Variants in ARHGEF10 observed in about 807,000 individuals in gnomAD.
The protein encoded by ARHGEF10 is Rho guanine nucleotide exchange factor 10, also known as Rho guanine nucleotide exchange factor (GEF) 10.
A neutral mutation model predicts 147.4 loss-of-function variants in ARHGEF10; 140 were observed. The observed-to-expected ratio is 0.95, with a 90% CI of 0.83 to 1.09. The LOEUF (loss-of-function observed/expected upper bound fraction) is 1.09, where lower values mean the gene tolerates loss of function less well. Among genes scored for constraint, ARHGEF10 ranks in the 50% least tolerant of loss-of-function variants. The pLI, the probability that ARHGEF10 is intolerant of heterozygous loss-of-function variation, is 0.00. For missense variants in ARHGEF10, 2,222 were observed against 1,752.7 expected (o/e 1.27, Z -4.78); for synonymous variants, 902 against 695.8 (o/e 1.30, Z -4.67).
chr8:1,845,006 G>A (rs1412094982), intron 2 of ARHGEF10, among the ~76,000 whole-genome samples: 2 of 152,178 alleles, frequency 1.3e-5, no homozygotes, highest in Non-Finnish European at 2.9e-5. Flanking sequence ...ATGCATGATG[G>A]TGCATGCCTG....
At chr8:1,888,116 T>TAGTGGGGCGAGGGTTGCGAGGAGACAGTG (rs1563233346) in intron 11 of ARHGEF10, among the ~76,000 whole-genome samples, 8 of 81,870 alleles carry the variant, frequency 9.8e-5, no homozygotes, top group African/African-American at 1.1e-4. Context: ...AGGAGACACT[T>TAGTGGGGCGAGGGTTGCGAGGAGACAGTG]AGTGGGGTGA....
chr8:1,841,606 C>CAGGGCGT (rs1308658850), intron 1 of ARHGEF10, among the ~76,000 whole-genome samples: 1 of 151,914 alleles, frequency 6.6e-6, no homozygotes, highest in African/African-American at 2.4e-5. Flanking sequence ...GAGTAGGGAG[C>CAGGGCGT]AGGGCGTGGT....
At chr8:1,942,568 C>T (rs1368475475) in intron 26 of ARHGEF10, among the ~76,000 whole-genome samples, 1 of 152,140 alleles carries the variant, frequency 6.6e-6, no homozygotes, top group African/African-American at 2.4e-5. Flanking sequence ...TAACTCGTGG[C>T]ATGACCAGGT....
chr8:1,823,765 A>T (rs1264188910), upstream of ARHGEF10, among the ~76,000 whole-genome samples: 1 of 150,562 alleles, frequency 6.6e-6, no homozygotes, highest in Non-Finnish European at 1.5e-5. Flanking sequence ...GGCGTTGGGC[A>T]GCGGGAGGGG....
intron 16 of ARHGEF10, among the ~76,000 whole-genome samples, chr8:1,905,269 A>AT: frequency 6.6e-6 from 1 of 152,290 alleles, no homozygotes; most frequent in East Asian, 1.9e-4. Context: ...AGAAGTTAAG[A>AT]TAGTCATTTA....
At position 1,875,314 on chromosome 8, in the gene ARHGEF10, C is replaced by T. The variant is rs1437208522; in HGVS notation, c.680-1257C>T. Reference sequence around the variant, plus strand: ...AACAGTGGAGACACACACTGGGGAGCGTAGGGGTGCTTTTCTCTGAGTCCC... The same window carrying T: ...AACAGTGGAGACACACACTGGGGAGTGTAGGGGTGCTTTTCTCTGAGTCCC... On this transcript the variant is annotated intron_variant, in intron 7 of 28. Coordinates refer to ENST00000349830, the MANE Select transcript of ARHGEF10 (RefSeq NM_014629.4). Among the ~76,000 whole-genome samples the T allele has an allele frequency of 5.9e-5, 9 of 152,056 alleles. No individual in the cohort carries two copies. The South Asian group carries it at 1.5e-3, about 25-fold the overall frequency.
intron 15 of ARHGEF10, 64 bp from the exon 16 acceptor site, chr8:1,903,217 G>A (rs1210824932): frequency 6.3e-6 from 10 of 1,590,858 alleles, no homozygotes; most frequent in Middle Eastern, 1.8e-4. Flanking sequence ...GGCGGGTGAC[G>A]CGACTGTTGT....
intron 2 of ARHGEF10, among the ~76,000 whole-genome samples, chr8:1,851,538 G>T (rs1805151935): frequency 6.6e-6 from 1 of 152,154 alleles, no homozygotes; most frequent in Non-Finnish European, 1.5e-5. Context: ...TGGGGGTGGG[G>T]AGTATATGAG....
intron 15 of ARHGEF10, 85 bp downstream of exon 15, chr8:1,898,610 G>A: frequency 7.3e-7 from 1 of 1,370,910 alleles, no homozygotes; most frequent in Non-Finnish European, 1.0e-6. Flanking sequence ...CCTCCACTTT[G>A]GAATGGCTGC....
chr8:1,957,259 T>C lies in ARHGEF10; in HGVS notation c.4031T>C (p.Ile1344Thr), dbSNP rs746694929. The change falls in exon 29 of 29, where the codon ATA becomes ACA. Residue 1344 changes from isoleucine to threonine, a missense_variant. By Grantham distance (89) the Ile-to-Thr change is moderately conservative. Coordinates refer to ENST00000349830, the MANE Select transcript of ARHGEF10 (RefSeq NM_014629.4). ...GTCTGGCAGATCCCTCTGCTGAATA[T>C]ATAAGCAGGACGGCCGCCTTCTGCT... ...VMVWQIPLLN[I>T] is the part of the protein sequence containing the mutation. 1.2e-5 allele frequency: 19 copies of C among 1,609,788 alleles called. No homozygotes were observed. Among genetic ancestry groups the C allele is most frequent in the Non-Finnish European group, 1.5e-5 (18 of 1,179,532 alleles).
At chr8:1,944,076 G>A (rs115340814) in intron 26 of ARHGEF10, among the ~76,000 whole-genome samples, 12 of 97,836 alleles carry the variant, frequency 1.2e-4, no homozygotes, top group Middle Eastern at 6.3e-3. Context: ...CTCCCGCACC[G>A]TGTCACCTCC....
chr8:1,873,136 C>A (rs1270088929), intron 7 of ARHGEF10, among the ~76,000 whole-genome samples: 2 of 152,150 alleles, frequency 1.3e-5, no homozygotes, highest in Non-Finnish European at 2.9e-5. Context: ...AATGGACCGG[C>A]CATCCATAGC....
chr8:1,873,600 T>A (rs1807353719), intron 7 of ARHGEF10, among the ~76,000 whole-genome samples: 1 of 136,708 alleles, frequency 7.3e-6, no homozygotes, highest in African/African-American at 2.6e-5. Flanking sequence ...CCTAGTTGCC[T>A]TGAGAGGTGC....
At chr8:1,885,859 A>C in intron 11 of ARHGEF10, 152 bp downstream of exon 11, 1 of 715,866 alleles carries the variant, frequency 1.4e-6, no homozygotes, top group Non-Finnish European at 2.5e-6. Flanking sequence ...CCCAGCACTT[A>C]GAGGCTTACT....
At position 1,892,766 on chromosome 8, in the gene ARHGEF10, T is replaced by C. The variant is rs182087224; in HGVS notation, c.1183-803T>C. 1.9e-4 allele frequency among the ~76,000 whole-genome samples: 29 copies of C among 152,242 alleles called. No individual in the cohort carries two copies. The East Asian group carries it at 5.0e-3, about 26-fold the overall frequency. ...GTGTGTTCATATGCGGGAGTGCGCA[T>C]GCTGGTTTAGGAGAAACTCTATTGC... On this transcript the variant is annotated intron_variant, in intron 11 of 28. Coordinates refer to ENST00000349830, the MANE Select transcript of ARHGEF10 (RefSeq NM_014629.4).
At chr8:1,918,627 C>G (rs2129201054) in intron 18 of ARHGEF10, among the ~76,000 whole-genome samples, 1 of 152,278 alleles carries the variant, frequency 6.6e-6, no homozygotes, top group South Asian at 2.1e-4. Context: ...TAGCTTATGC[C>G]TTCCTTCACA....
intron 5 of ARHGEF10, among the ~76,000 whole-genome samples, chr8:1,865,710 A>G (rs1338370867): frequency 1.6e-5 from 2 of 123,472 alleles, no homozygotes; most frequent in African/African-American, 6.3e-5. Flanking sequence ...CTCTGCACGG[A>G]TTATCACGTG....
intron 11 of ARHGEF10, among the ~76,000 whole-genome samples, chr8:1,888,143 A>C (rs1217866887): frequency 3.6e-4 from 35 of 96,950 alleles, no homozygotes; most frequent in African/African-American, 1.1e-3. Context: ...GCGAGGAGAC[A>C]CTTAGTGGGG....
intron 18 of ARHGEF10, among the ~76,000 whole-genome samples, chr8:1,918,505 T>TGTGTGTGTGTGTGTGTGTGTGTG (rs1554505892): frequency 6.7e-6 from 1 of 148,716 alleles, no homozygotes; most frequent in African/African-American, 2.5e-5. Flanking sequence ...TGTGTGTGTG[T>TGTGTGTGTGTGTGTGTGTGTGTG]TATTTTAAAA....
Sources: allele counts gnomAD v4.1 joint callset (sites outside exome capture counted in the v4.1 genomes callset), GRCh38; gene constraint gnomAD v4.1.1; transcripts MANE v1.5; gene names NCBI Gene and HGNC (gene_info 2026-07-23, HGNC 2026-07-21).